The following PLEKHG1 variants were observed in gnomAD, a reference collection of about 807,000 sequenced individuals.
The protein encoded by PLEKHG1 is pleckstrin homology and RhoGEF domain containing G1.
A neutral mutation model predicts 100.8 loss-of-function variants in PLEKHG1; 44 were observed. The observed-to-expected ratio is 0.44, with a 90% CI of 0.34 to 0.56. PLEKHG1 has a LOEUF of 0.56. Among genes scored for constraint, PLEKHG1 ranks in the 20% least tolerant of loss-of-function variants. The probability of loss-of-function intolerance (pLI) is 0.01; values close to 1 mark genes in which losing one functional copy is unlikely to be tolerated. For missense variants in PLEKHG1, 1,545 were observed against 1,720.9 expected, an observed-to-expected ratio of 0.90 and a Z score of 1.81; for synonymous variants, 640 against 662.5, an observed-to-expected ratio of 0.97 and a Z score of 0.52.
chr6:150,704,185 C>T (rs1179541554), intron 3 of PLEKHG1, among the ~76,000 whole-genome samples: 1 of 152,104 alleles, frequency 6.6e-6, no homozygotes, highest in Non-Finnish European at 1.5e-5. Flanking sequence ...CTGGTGCTGT[C>T]CTCTGAGGGC....
chr6:150,761,910 A>C (rs1016843539), intron 2 of PLEKHG1, among the ~76,000 whole-genome samples: 1 of 152,188 alleles, frequency 6.6e-6, no homozygotes, highest in Non-Finnish European at 1.5e-5. Flanking sequence ...GAGAAAGCTC[A>C]CAGCTCTCCC....
At chr6:150,795,787 T>A (rs769810995) in intron 4 of PLEKHG1, 69 bp from the exon 6 acceptor site, 1 of 893,524 alleles carries the variant, frequency 1.1e-6, no homozygotes, top group Non-Finnish European at 1.8e-6. Flanking sequence ...TATTTCTTTT[T>A]ATTGTTTTCA....
rs567386970 is a variant in PLEKHG1, at chr6:150,816,688, C to T, written c.1279-1495C>T. Among the ~76,000 whole-genome samples the T allele has an allele frequency of 5.3e-5, 8 of 152,212 alleles. No homozygotes were observed. The East Asian group carries it at 9.7e-4, about 18-fold the overall frequency. On this transcript the variant is annotated intron_variant, in intron 10 of 15. Transcript: ENST00000358517. The stretch of plus-strand genomic sequence containing the variant: ...TTGAAGTACATCAACTCACTTGCCA[C>T]GATAAAGCCTGCCACCAGATGCAGC...
chr6:150,711,168 G>A (rs2128604377), intron 3 of PLEKHG1, among the ~76,000 whole-genome samples: 1 of 152,220 alleles, frequency 6.6e-6, no homozygotes, highest in African/African-American at 2.4e-5. Flanking sequence ...AGCCACTTTG[G>A]TGGAAGCAGT....
intron 3 of PLEKHG1, among the ~76,000 whole-genome samples, chr6:150,702,210 G>C (rs997975187): frequency 7.2e-5 from 11 of 152,232 alleles, no homozygotes; most frequent in African/African-American, 2.4e-4. Context: ...AGTGGCTCAT[G>C]CCTATAATCC....
Position 150,650,736 on chromosome 6 carries a change from T to C in PLEKHG1, c.-149T>C, listed in dbSNP as rs1419277915. 6.6e-6 allele frequency: 1 copy of C among 152,232 alleles called. No individual in the cohort carries two copies. Among genetic ancestry groups the C allele is most frequent in the Non-Finnish European group, 1.5e-5 (1 of 68,048 alleles). The allele number at this position is 152,232 out of a possible 1,614,324, so 9.4% of individuals were successfully genotyped here. A position where few individuals can be genotyped will look rare whatever the true frequency, so the allele number is the denominator to read the frequency against. On this transcript the variant is annotated 5_prime_UTR_variant, in exon 3 of 4. It removes the in-frame stop codon of an upstream open reading frame in the 5' UTR. Transcript: ENST00000367326. Reference sequence around the variant, plus strand: ...TTTTGTTTTTACTACAGGTGAAGACTGATGAGAAGAGTCTGTGGGTGAAGA... The same window carrying C: ...TTTTGTTTTTACTACAGGTGAAGACCGATGAGAAGAGTCTGTGGGTGAAGA...
At chr6:150,659,423 G>C (rs1321613451) in intron 3 of PLEKHG1, among the ~76,000 whole-genome samples, 1 of 152,142 alleles carries the variant, frequency 6.6e-6, no homozygotes, top group African/African-American at 2.4e-5. Flanking sequence ...CCTGGATGTG[G>C]ATCACAGCTC....
At chr6:150,723,616 A>G (rs974032788) in intron 1 of PLEKHG1, among the ~76,000 whole-genome samples, 4 of 152,196 alleles carry the variant, frequency 2.6e-5, no homozygotes, top group African/African-American at 7.2e-5. Flanking sequence ...TTCAAAAAGT[A>G]ATGAGACACA....
At chr6:150,754,795 T>G (rs745530546) in intron 2 of PLEKHG1, among the ~76,000 whole-genome samples, 3 of 151,528 alleles carry the variant, frequency 2.0e-5, no homozygotes, top group South Asian at 2.1e-4. Context: ...CAGCCTCCAA[T>G]GTAGCTGGGA....
intron 3 of PLEKHG1, among the ~76,000 whole-genome samples, chr6:150,706,016 A>G (rs1422667529): frequency 2.0e-5 from 3 of 152,050 alleles, no homozygotes; most frequent in Non-Finnish European, 4.4e-5. Flanking sequence ...ATCCAGTTTT[A>G]TAGTCATTGT....
chr6:150,765,404 G>C (rs1321979974), intron 2 of PLEKHG1, among the ~76,000 whole-genome samples: 5 of 151,412 alleles, frequency 3.3e-5, no homozygotes, highest in Non-Finnish European at 5.9e-5. Context: ...TGAGTCAGGA[G>C]AATCGCTTGA....
intron 3 of PLEKHG1, among the ~76,000 whole-genome samples, chr6:150,665,571 A>C (rs1317486537): frequency 5.3e-5 from 8 of 152,122 alleles, no homozygotes; most frequent in Admixed American, 5.2e-4. Flanking sequence ...CGGAGGTTGC[A>C]GTGATCCAAG....
intron 7 of PLEKHG1, among the ~76,000 whole-genome samples, chr6:150,806,848 AAAATG>A (rs1358563124): frequency 2.1e-5 from 3 of 145,870 alleles, no homozygotes; most frequent in Non-Finnish European, 4.5e-5. Flanking sequence ...AAAAAAAAAA[AAAATG>A]AAATGAAAAA....
Position 150,830,563 on chromosome 6 carries a change from A to G in PLEKHG1, c.1471-19A>G. The G allele has an allele frequency of 6.5e-7, 1 of 1,549,534 alleles. No individual in the cohort carries two copies. The highest frequency in any genetic ancestry group is 2.3e-5 in the East Asian group (1 of 44,106). The stretch of plus-strand genomic sequence containing the variant: ...TCCATGGTGCTGTGATTCAGTTGAT[A>G]TGTTTCCATCTTCCTCAGGTTTCTA... On this transcript the variant is annotated intron_variant, in intron 14 of 15. Transcript: ENST00000358517.
At chr6:150,646,321 G>A (rs1176696825) in intron 2 of PLEKHG1, among the ~76,000 whole-genome samples, 3 of 151,636 alleles carry the variant, frequency 2.0e-5, no homozygotes, top group Non-Finnish European at 4.4e-5. Flanking sequence ...GGTCTCGGTG[G>A]CCCTGATTGG....
intron 3 of PLEKHG1, among the ~76,000 whole-genome samples, chr6:150,715,229 G>A (rs934270974): frequency 8.5e-5 from 13 of 152,168 alleles, no homozygotes; most frequent in Non-Finnish European, 1.6e-4. Flanking sequence ...GTTTGAACAA[G>A]TATGTAATTT....
intron 2 of PLEKHG1, among the ~76,000 whole-genome samples, chr6:150,646,393 A>G (rs1288763250): frequency 6.6e-6 from 1 of 152,124 alleles, no homozygotes; most frequent in East Asian, 1.9e-4. Context: ...ATGAAACATG[A>G]TGAATGGCTT....
chr6:150,756,950 C>A lies in PLEKHG1; in HGVS notation c.412-11688C>A, dbSNP rs574540391. Among the ~76,000 whole-genome samples the A allele has an allele frequency of 2.6e-5, 4 of 152,252 alleles. No individual in the cohort carries two copies. In the East Asian group the frequency reaches 7.7e-4, roughly 29 times the overall value. On this transcript the variant is annotated intron_variant, in intron 2 of 15. Transcript: ENST00000358517. ...AGTCATATAGGTAATTATTGTCCAA[C>A]ACATGTTTAAGTAAAGTATATGATA...
At chr6:150,719,902 T>C (rs1424265320), upstream of PLEKHG1, among the ~76,000 whole-genome samples, 8 of 152,222 alleles carry the variant, frequency 5.3e-5, no homozygotes, top group East Asian at 1.9e-4. Context: ...AAATCACTTA[T>C]TTAAATAGCC....
Sources: gnomAD v4.1 joint callset for allele counts (sites outside exome capture counted in the v4.1 genomes callset) on GRCh38, gnomAD v4.1.1 for gene constraint, MANE v1.5 for transcripts, NCBI Gene and HGNC (gene_info 2026-07-23, HGNC 2026-07-21) for gene names.